Variants in BTBD8 observed in about 807,000 individuals in gnomAD.
The protein encoded by BTBD8 is BTB domain containing 8, also known as BTB/POZ domain-containing protein 8.
Under a neutral mutation model 162.9 loss-of-function variants are expected in BTBD8, and 110 were observed. That is an observed-to-expected ratio of 0.68 (90% confidence interval 0.58 to 0.79). The LOEUF (loss-of-function observed/expected upper bound fraction) is 0.79, where lower values mean the gene tolerates loss of function less well. Ranked by LOEUF, BTBD8 falls within the 30% of genes least tolerant of loss-of-function variation. The probability of loss-of-function intolerance (pLI) is 0.00; values close to 1 mark genes in which losing one functional copy is unlikely to be tolerated. For missense variants in BTBD8, 1,905 were observed against 2,085.4 expected, an observed-to-expected ratio of 0.91 and a Z score of 1.68; for synonymous variants, 667 against 716.1, an observed-to-expected ratio of 0.93 and a Z score of 1.10.
chr1:92,094,298 A>AT (rs1648393010), intron 2 of BTBD8, among the ~76,000 whole-genome samples: 1 of 152,200 alleles, frequency 6.6e-6, no homozygotes, highest in South Asian at 2.1e-4. Context: ...TGTCTTGCAT[A>AT]TAGAAAGCAC....
intron 4 of BTBD8, among the ~76,000 whole-genome samples, chr1:92,117,181 T>C (rs557902870): frequency 6.6e-6 from 1 of 152,036 alleles, no homozygotes; most frequent in Non-Finnish European, 1.5e-5. Flanking sequence ...TTCCATCTTC[T>C]CTTGTCATTT....
chr1:92,154,631 A>G (rs2100648565), intron 9 of BTBD8, among the ~76,000 whole-genome samples: 1 of 152,264 alleles, frequency 6.6e-6, no homozygotes, highest in East Asian at 1.9e-4. Flanking sequence ...TAACAGTGTT[A>G]TCAGATTTTT....
intron 9 of BTBD8, among the ~76,000 whole-genome samples, chr1:92,152,229 A>G (rs535702486): frequency 2.0e-5 from 3 of 152,242 alleles, no homozygotes; most frequent in Non-Finnish European, 4.4e-5. Context: ...TGGTGGAAAA[A>G]TAGGCATTTA....
rs1650868176 is a variant in BTBD8 at position 92,180,756 on chromosome 1, G to A, written c.3073G>A (p.Ala1025Thr). The change falls in exon 17 of 18, where the codon GCG (alanine) becomes ACG (threonine). Residue 1025 changes from alanine (A) to threonine (T), a missense_variant. By Grantham distance (58) the Ala-to-Thr change is moderately conservative (BLOSUM62 0). Coordinates refer to ENST00000636805, the MANE Select transcript of BTBD8 (RefSeq NM_001376131.1). Reference protein sequence around the residue: ...PLNDQEKEKLALECQNISKLD... With the variant: ...PLNDQEKEKLTLECQNISKLD... Reference sequence around the variant, plus strand: ...AAACGATCAAGAAAAAGAGAAGTTGGCGTTAGAATGCCAAAATATTTCAAA... The same window carrying A: ...AAACGATCAAGAAAAAGAGAAGTTGACGTTAGAATGCCAAAATATTTCAAA... 1 of 1,551,698 alleles carries A rather than the reference G, an allele frequency of 6.4e-7. No individual in the cohort carries two copies. Among genetic ancestry groups the A allele is most frequent in the Non-Finnish European group, 8.7e-7 (1 of 1,146,994 alleles).
In BTBD8 at chr1:92,143,569, G is replaced by T. The variant is rs1432265528; in HGVS notation, c.930+2358G>T. 4.6e-5 allele frequency among the ~76,000 whole-genome samples: 7 copies of T among 152,068 alleles called. 1 individual carries two copies. The highest frequency in any genetic ancestry group is 3.9e-4 in the Admixed American group (6 of 15,264). On this transcript the variant is annotated intron_variant, in intron 7 of 17. Coordinates refer to ENST00000636805, the MANE Select transcript of BTBD8 (RefSeq NM_001376131.1). ...CTTGTTGCCTAGGCTGGAGTGCAGT[G>T]GTACGATCTCTGCTCACTGCAACCT...
At chr1:92,119,287 C>CT (rs905843721) in intron 4 of BTBD8, among the ~76,000 whole-genome samples, 2,519 of 132,738 alleles carry the variant, frequency 0.019, 70 homozygotes, top group African/African-American at 0.056. Flanking sequence ...TTCTTTTTTT[C>CT]TTTTTTTTTT....
In BTBD8 at chr1:92,147,210, G is replaced by GA. The variant is rs1230576829; in HGVS notation, c.963dup (p.Cys322MetfsTer16). On this transcript the variant is annotated frameshift_variant, in exon 8 of 18. Transcript: ENST00000636805. LOFTEE classifies it high-confidence loss of function. Reference sequence around the variant, plus strand: ...TCCCAGAACATTGACGTCTATACTAGAATGCCTGATTATTGCTCATTCAGT... The same window carrying GA: ...TCCCAGAACATTGACGTCTATACTAGAAATGCCTGATTATTGCTCATTCAGT... 1 of 1,612,124 alleles carries GA rather than the reference G, an allele frequency of 6.2e-7. No individual in the cohort carries two copies. Among genetic ancestry groups the GA allele is most frequent in the Non-Finnish European group, 8.5e-7 (1 of 1,179,110 alleles).
At chr1:92,173,974 C>G (rs1378005950) in intron 13 of BTBD8, among the ~76,000 whole-genome samples, 1 of 151,810 alleles carries the variant, frequency 6.6e-6, no homozygotes, top group African/African-American at 2.4e-5. Context: ...TTGTTGTTGC[C>G]TGCTTCATTT....
chr1:92,183,993 A>T lies in BTBD8; in HGVS notation c.5042A>T (p.His1681Leu). The change falls in exon 18 of 18, where the codon CAT becomes CTT. Residue 1681 changes from histidine to leucine, a missense_variant. Physicochemically the swap from His to Leu is moderately conservative, Grantham distance 99. Coordinates refer to ENST00000636805, the MANE Select transcript of BTBD8 (RefSeq NM_001376131.1). ...AFEQKVESET[H>L]VTDMDFEDDQ... The stretch of plus-strand genomic sequence containing the variant: ...GAGCAGAAAGTGGAATCAGAAACAC[A>T]TGTTACAGATATGGATTTTGAAGAT... The T allele has an allele frequency of 6.4e-7, 1 of 1,551,598 alleles. No individual in the cohort carries two copies. The highest frequency in any genetic ancestry group is 1.7e-4 in the Middle Eastern group (1 of 5,986).
At chr1:92,135,869 A>G (rs1286641194) in intron 5 of BTBD8, among the ~76,000 whole-genome samples, 2 of 152,194 alleles carry the variant, frequency 1.3e-5, no homozygotes, top group East Asian at 1.9e-4. Context: ...TTCAACATAA[A>G]TAGCCAATTC....
chr1:92,183,977 G>A lies in BTBD8; in HGVS notation c.5026G>A (p.Val1676Met), dbSNP rs976986249. The A allele has an allele frequency of 3.2e-6, 5 of 1,551,446 alleles. No homozygotes were observed. In the African/African-American group the frequency reaches 6.8e-5, roughly 21 times the overall value. ...MDVIEAFEQKVESETHVTDMD... is the reference protein window; with the variant it reads ...MDVIEAFEQKMESETHVTDMD... ...TGTAATAGAAGCATTTGAGCAGAAA[G>A]TGGAATCAGAAACACATGTTACAGA... Residue 1676 changes from valine to methionine, a missense_variant, in exon 18 of 18, where the codon GTG (valine) becomes ATG (methionine). Physicochemically the swap from Val to Met is conservative, Grantham distance 21 (BLOSUM62 1). This residue lies in a region of BTBD8 where 517 missense variants were observed against 606.6 expected (regional missense o/e 0.85). Transcript: ENST00000636805.
chr1:92,087,308 TG>T (rs1035048226), intron 1 of BTBD8, among the ~76,000 whole-genome samples: 3 of 131,124 alleles, frequency 2.3e-5, no homozygotes, highest in Non-Finnish European at 4.8e-5. Context: ...AGGGGTGGGA[TG>T]GGGGGAAGGA....
intron 7 of BTBD8, among the ~76,000 whole-genome samples, chr1:92,145,980 CAA>C (rs1171599849): frequency 7.4e-6 from 1 of 134,312 alleles, no homozygotes. Context: ...GAATCTGTCT[CAA>C]AAAAAAAAAA....
chr1:92,181,180 C>G lies in BTBD8; in HGVS notation c.3497C>G (p.Ser1166Trp). 4 of 1,551,620 alleles carry G rather than the reference C, an allele frequency of 2.6e-6. No homozygotes were observed. Among genetic ancestry groups the G allele is most frequent in the Non-Finnish European group, 3.5e-6 (4 of 1,146,950 alleles). ...TLNSAQEDKK[S>W]KVPVEGLTIP... ...AATTCTGCTCAAGAAGACAAAAAATCGAAAGTTCCTGTGGAAGGACTGACA... is the reference window on the plus strand; with the variant it reads ...AATTCTGCTCAAGAAGACAAAAAATGGAAAGTTCCTGTGGAAGGACTGACA... The change falls in exon 17 of 18, where the codon TCG (serine) becomes TGG (tryptophan). Residue 1166 changes from serine (S) to tryptophan (W), a missense_variant. By Grantham distance (177) the Ser-to-Trp change is radical. Around this residue, in one of 3 missense-constraint regions of BTBD8, gnomAD observed 1,374 missense variants for 1,442.7 expected, o/e 0.95. Transcript: ENST00000636805.
chr1:92,124,710 T>C (rs1394882641), intron 4 of BTBD8, among the ~76,000 whole-genome samples: 1 of 152,226 alleles, frequency 6.6e-6, no homozygotes, highest in Non-Finnish European at 1.5e-5. Context: ...AGCAACATAG[T>C]AAGACTCTGT....
chr1:92,126,799 G>A (rs1649371463), intron 4 of BTBD8, among the ~76,000 whole-genome samples: 1 of 152,098 alleles, frequency 6.6e-6, no homozygotes, highest in Admixed American at 6.6e-5. Flanking sequence ...ATGTAACAGT[G>A]TAAGATTTTT....
At chr1:92,166,115 TG>T (rs1183111196) in intron 9 of BTBD8, among the ~76,000 whole-genome samples, 18 of 152,222 alleles carry the variant, frequency 1.2e-4, no homozygotes, top group African/African-American at 2.9e-4. Context: ...TATTTGTGAA[TG>T]TTTTTTTCCA....
intron 4 of BTBD8, chr1:92,115,191 G>A: frequency 1.9e-6 from 1 of 532,760 alleles, no homozygotes; most frequent in South Asian, 1.6e-5. Context: ...ATGCAGGGAT[G>A]ATGTTCTGGA....
intron 5 of BTBD8, among the ~76,000 whole-genome samples, chr1:92,130,518 A>T (rs925201825): frequency 1.5e-5 from 1 of 66,068 alleles, no homozygotes; most frequent in Non-Finnish European, 2.6e-5. Flanking sequence ...GTCTCAAAAA[A>T]AATATATATA....
Sources: gnomAD v4.1 joint callset for allele counts (sites outside exome capture counted in the v4.1 genomes callset) on GRCh38, gnomAD v4.1.1 for gene constraint, gnomAD v4.1.1 regional missense constraint, MANE v1.5 for transcripts, NCBI Gene and HGNC (gene_info 2026-07-23, HGNC 2026-07-21) for gene names.